Variants in CDYL observed in about 807,000 individuals in gnomAD.
The protein encoded by CDYL is chromodomain Y-like protein.
Under a neutral mutation model 47.3 loss-of-function variants are expected in CDYL, and 8 were observed. The ratio of observed to expected loss-of-function variants is 0.17; its 90% CI spans 0.10 to 0.31. CDYL has a LOEUF of 0.31. Among genes scored for constraint, CDYL ranks in the 10% least tolerant of loss-of-function variants. The pLI is 1.00. For synonymous variants in CDYL, 266 were observed against 265.0 expected, an observed-to-expected ratio of 1.00 and a Z score of -0.04; for missense variants, 471 against 701.4, an observed-to-expected ratio of 0.67 and a Z score of 3.71.
chr6:4,860,710 C>T (rs756127344), intron 1 of CDYL, among the ~76,000 whole-genome samples: 3 of 151,044 alleles, frequency 2.0e-5, no homozygotes, highest in Non-Finnish European at 4.4e-5. Context: ...CCGCAATAGC[C>T]AGTCTGCATG....
intron 3 of CDYL, among the ~76,000 whole-genome samples, chr6:4,756,710 T>C (rs1234852099): frequency 6.6e-6 from 1 of 152,140 alleles, no homozygotes; most frequent in Non-Finnish European, 1.5e-5. Context: ...TGAGTTTACA[T>C]GTAAATCATT....
At chr6:4,942,846 C>T (rs754822582) in intron 4 of CDYL, among the ~76,000 whole-genome samples, 1 of 152,206 alleles carries the variant, frequency 6.6e-6, no homozygotes, top group East Asian at 1.9e-4. Context: ...GCAGCCGTAC[C>T]CTCCAGCCCT....
At chr6:4,925,853 A>G (rs1757858283) in intron 2 of CDYL, among the ~76,000 whole-genome samples, 1 of 152,122 alleles carries the variant, frequency 6.6e-6, no homozygotes, top group Non-Finnish European at 1.5e-5. Flanking sequence ...GAGAACACAC[A>G]TCTCTGTGAA....
intron 1 of CDYL, among the ~76,000 whole-genome samples, chr6:4,815,186 A>G (rs990102590): frequency 1.3e-4 from 20 of 152,190 alleles, no homozygotes; most frequent in Non-Finnish European, 7.4e-5. Flanking sequence ...CCTCAACCCT[A>G]ACCTTCCAGA....
intron 5 of CDYL, among the ~76,000 whole-genome samples, chr6:4,949,151 T>G (rs948979940): frequency 6.6e-6 from 1 of 152,248 alleles, no homozygotes; most frequent in African/African-American, 2.4e-5. Flanking sequence ...TCTCTTCCAG[T>G]TTAGCCTTCC....
chr6:4,943,225 G>A (rs995268106), intron 4 of CDYL, among the ~76,000 whole-genome samples: 2 of 152,132 alleles, frequency 1.3e-5, no homozygotes, highest in South Asian at 2.1e-4. Context: ...ACAGGTTGGG[G>A]AGCAAGATGT....
At chr6:4,908,398 T>A (rs62384665) in intron 2 of CDYL, among the ~76,000 whole-genome samples, 11,812 of 152,264 alleles carry the variant, frequency 0.078, 566 homozygotes, top group South Asian at 0.14. Context: ...GGCCCTAGTT[T>A]GAGAAACACT....
At chr6:4,712,959 A>G (rs1223443195) in intron 1 of CDYL, among the ~76,000 whole-genome samples, 3 of 152,176 alleles carry the variant, frequency 2.0e-5, no homozygotes, top group Non-Finnish European at 4.4e-5. Context: ...AGGCTTGCCA[A>G]CACGGCAAGA....
Position 4,782,411 on chromosome 6 carries a change from G to A in CDYL, c.24+5604G>A, listed in dbSNP as rs994142999. Among the ~76,000 whole-genome samples the A allele has an allele frequency of 6.9e-4, 105 of 151,992 alleles. 1 individual carries two copies. Among genetic ancestry groups the A allele is most frequent in the African/African-American group, 2.0e-3 (84 of 41,348 alleles). ...CCATTCCTGACTCCTTACTTACCTCGAGGTTCCTCCTCCCCTAAGCATTAT... is the reference window on the plus strand; with the variant it reads ...CCATTCCTGACTCCTTACTTACCTCAAGGTTCCTCCTCCCCTAAGCATTAT... On this transcript the variant is annotated intron_variant, in intron 1 of 6. Transcript: ENST00000397588.
chr6:4,724,341 A>C (rs1207394993), intron 2 of CDYL: 2 of 152,070 alleles, frequency 1.3e-5, no homozygotes, highest in African/African-American at 4.8e-5. Flanking sequence ...GTGAGCCACC[A>C]TGCCGAGCCT....
chr6:4,713,835 G>A (rs1757202564), intron 1 of CDYL, among the ~76,000 whole-genome samples: 1 of 152,128 alleles, frequency 6.6e-6, no homozygotes, highest in African/African-American at 2.4e-5. Context: ...TGATCTGCCT[G>A]CCTCGGCCTC....
At chr6:4,859,895 GTCTTTTTTTT>G (rs762483334) in intron 1 of CDYL, among the ~76,000 whole-genome samples, 251 of 150,812 alleles carry the variant, frequency 1.7e-3, no homozygotes, top group Middle Eastern at 3.4e-3. Flanking sequence ...ATCTTTTTTT[GTCTTTTTTTT>G]TCTTTTTTTT....
chr6:4,781,742 G>A (rs1758624394), intron 1 of CDYL, among the ~76,000 whole-genome samples: 2 of 152,120 alleles, frequency 1.3e-5, no homozygotes, highest in Admixed American at 6.5e-5. Flanking sequence ...TTCATGGTAT[G>A]TAGGCAACAC....
At chr6:4,886,974 G>C (rs1039817576) in intron 1 of CDYL, among the ~76,000 whole-genome samples, 13 of 152,124 alleles carry the variant, frequency 8.5e-5, no homozygotes, top group African/African-American at 3.1e-4. Flanking sequence ...CCATGGAATG[G>C]TAGTGACAGT....
intron 2 of CDYL, chr6:4,718,705 T>C (rs1181043888): frequency 2.0e-5 from 3 of 152,348 alleles, no homozygotes; most frequent in Non-Finnish European, 2.9e-5. Context: ...GGCAAATTAA[T>C]ATTTGTGTGT....
In CDYL at chr6:4,840,238, C is replaced by G. The variant is rs538360007; in HGVS notation, c.25-51475C>G. Among the ~76,000 whole-genome samples the G allele has an allele frequency of 4.6e-5, 7 of 152,074 alleles. No homozygotes were observed. The East Asian group carries it at 1.2e-3, about 25-fold the overall frequency. On this transcript the variant is annotated intron_variant, in intron 1 of 6. Transcript: ENST00000397588. The stretch of plus-strand genomic sequence containing the variant: ...TTGTTGTTGGTGTATAGCAGAGCTA[C>G]TGATTTGTGTACATTAGCTTTGTAT...
At chr6:4,831,150 C>G (rs1321552909) in intron 1 of CDYL, among the ~76,000 whole-genome samples, 1 of 152,132 alleles carries the variant, frequency 6.6e-6, no homozygotes, top group East Asian at 1.9e-4. Context: ...AATGGTATTT[C>G]TAGTTCTAGA....
At chr6:4,835,922 C>G (rs2127456259) in intron 1 of CDYL, among the ~76,000 whole-genome samples, 1 of 152,298 alleles carries the variant, frequency 6.6e-6, no homozygotes, top group South Asian at 2.1e-4. Flanking sequence ...ATTTTTTAAG[C>G]CCGTCAGAAA....
intron 2 of CDYL, among the ~76,000 whole-genome samples, chr6:4,900,958 G>T (rs1757033580): frequency 1.3e-5 from 2 of 150,446 alleles, no homozygotes; most frequent in African/African-American, 4.9e-5. Context: ...TGCTTGTAAA[G>T]AGAGTGCCTA....
Sources: gnomAD v4.1 joint callset for allele counts (sites outside exome capture counted in the v4.1 genomes callset) on GRCh38, gnomAD v4.1.1 for gene constraint, MANE v1.5 for transcripts, NCBI Gene and HGNC (gene_info 2026-07-23, HGNC 2026-07-21) for gene names.